The following ITPRID1 variants were observed in gnomAD, a reference collection of about 807,000 sequenced individuals.
ITPRID1 encodes the protein protein ITPRID1.
A neutral mutation model predicts 95.4 loss-of-function variants in ITPRID1; 96 were observed. That is an observed-to-expected ratio of 1.01 (90% CI 0.85 to 1.19). The LOEUF (loss-of-function observed/expected upper bound fraction) is 1.19, where lower values mean the gene tolerates loss of function less well. Ranked by LOEUF, ITPRID1 falls within the 50% of genes most tolerant of loss-of-function variation. The pLI is 0.00. For synonymous variants in ITPRID1, 510 were observed against 453.6 expected (o/e 1.12, Z -1.58); for missense variants, 1,339 against 1,252.9 (o/e 1.07, Z -1.04).
chr7:31,554,345 T>A, intron 3 of ITPRID1, 130 bp from the exon 4 acceptor site: 1 of 1,369,800 alleles, frequency 7.3e-7, no homozygotes, highest in South Asian at 2.1e-5. Flanking sequence ...AAAAAATGAA[T>A]ATGCTTATGG....
rs928446046 is a variant in ITPRID1, at chr7:31,612,846, T to C, written c.1229-29330T>C. On this transcript the variant is annotated intron_variant, in intron 10 of 14. Transcript: ENST00000615280. ...CTGCACATGTGCATAGCCAGCCTTT[T>C]GTAGATCCACACGAATATGTCAGAG... Among the ~76,000 whole-genome samples the C allele has an allele frequency of 2.6e-5, 4 of 152,162 alleles. No individual in the cohort carries two copies. The East Asian group carries it at 5.8e-4, about 22-fold the overall frequency.
At chr7:31,602,234 T>C (rs1233466921) in intron 10 of ITPRID1, among the ~76,000 whole-genome samples, 2 of 152,168 alleles carry the variant, frequency 1.3e-5, no homozygotes, top group African/African-American at 4.8e-5. Context: ...GGATAATCCT[T>C]ATTTAATTAA....
At chr7:31,533,409 T>C (rs1416874414) in intron 1 of ITPRID1, among the ~76,000 whole-genome samples, 2 of 152,202 alleles carry the variant, frequency 1.3e-5, no homozygotes, top group African/African-American at 2.4e-5. Flanking sequence ...TGTTTGAAAC[T>C]TTTAAAGAAA....
chr7:31,625,025 C>T (rs1469071739), intron 10 of ITPRID1, among the ~76,000 whole-genome samples: 5 of 152,188 alleles, frequency 3.3e-5, no homozygotes, highest in African/African-American at 4.8e-5. Context: ...TGAAAAAATG[C>T]TCATCATCAC....
At chr7:31,592,673 A>G (rs1231908222) in intron 10 of ITPRID1, among the ~76,000 whole-genome samples, 2 of 152,186 alleles carry the variant, frequency 1.3e-5, no homozygotes, top group Admixed American at 1.3e-4. Flanking sequence ...ATCTAATGCA[A>G]CCACTGATCT....
intron 10 of ITPRID1, among the ~76,000 whole-genome samples, chr7:31,599,534 G>C (rs1373857444): frequency 6.6e-6 from 1 of 152,100 alleles, no homozygotes; most frequent in Non-Finnish European, 1.5e-5. Context: ...AAAATGTTAA[G>C]TTTTAATAGA....
At chr7:31,630,688 T>C (rs1045365653) in intron 10 of ITPRID1, among the ~76,000 whole-genome samples, 4 of 152,108 alleles carry the variant, frequency 2.6e-5, no homozygotes, top group Admixed American at 6.5e-5. Flanking sequence ...ATATATAGCT[T>C]ATGAAAATAG....
chr7:31,628,059 G>C (rs1788638320), intron 10 of ITPRID1, among the ~76,000 whole-genome samples: 1 of 152,202 alleles, frequency 6.6e-6, no homozygotes, highest in African/African-American at 2.4e-5. Context: ...GCCTAAAAAA[G>C]CAGAGGGAGC....
intron 5 of ITPRID1, among the ~76,000 whole-genome samples, chr7:31,565,464 G>A (rs906165807): frequency 1.3e-5 from 2 of 152,136 alleles, no homozygotes; most frequent in Non-Finnish European, 2.9e-5. Context: ...GGCCAGCTGT[G>A]GTGGATCACA....
rs751084099 is a variant in ITPRID1 at position 31,578,403 on chromosome 7, G to A, written c.1139G>A (p.Gly380Asp). Residue 380 changes from glycine to aspartate, a missense_variant, in exon 9 of 15, where the codon GGC becomes GAC. Coordinates refer to ENST00000615280, the MANE Select transcript of ITPRID1 (RefSeq NM_001257967.3). Reference sequence around the variant, plus strand: ...CTCAAGAGCTTGTCTCATCTTGCAGGCAAAGGACCAGACTCATTTGAAATG... The same window carrying A: ...CTCAAGAGCTTGTCTCATCTTGCAGACAAAGGACCAGACTCATTTGAAATG... ...NKLKSLSHLA[G>D]KGPDSFEMEE... 5 of 1,611,328 alleles carry A rather than the reference G, an allele frequency of 3.1e-6. No individual in the cohort carries two copies. The highest frequency in any genetic ancestry group is 3.4e-6 in the Non-Finnish European group (4 of 1,178,544).
chr7:31,568,888 A>G (rs1784889299), intron 5 of ITPRID1, among the ~76,000 whole-genome samples: 1 of 152,228 alleles, frequency 6.6e-6, no homozygotes, highest in South Asian at 2.1e-4. Flanking sequence ...ACAAGCTAAA[A>G]TAAGTTGCAG....
chr7:31,622,920 G>A (rs1319831869), intron 10 of ITPRID1, among the ~76,000 whole-genome samples: 1 of 151,928 alleles, frequency 6.6e-6, no homozygotes, highest in Admixed American at 6.6e-5. Flanking sequence ...ATGATAAAGG[G>A]GATATCACCA....
rs73099753 is a variant in ITPRID1 at position 31,633,483 on chromosome 7, A to G, written c.1229-8693A>G. ...CATCCTGTCTTCCAACCTGGGGAAC[A>G]TAGAGAGGTTTTGTTTGTTCTACAA... is the stretch of plus-strand genomic sequence containing the variant. On this transcript the variant is annotated intron_variant, in intron 10 of 14. Transcript: ENST00000615280. Among the ~76,000 whole-genome samples, 731 of 152,334 alleles carry G rather than the reference A, an allele frequency of 4.8e-3. 1 individual carries two copies. The highest frequency in any genetic ancestry group is 0.01 in the Middle Eastern group (3 of 294).
rs76750213 is a variant in ITPRID1 at position 31,523,332 on chromosome 7, T to G, written c.-98+9212T>G. ...GATACTAGGAAGAAATGGATATAAA[T>G]GCTTCTTTGACTCTTAACTAGTTGA... is the stretch of plus-strand genomic sequence containing the variant. On this transcript the variant is annotated intron_variant, in intron 1 of 14. Coordinates refer to ENST00000615280, the MANE Select transcript of ITPRID1 (RefSeq NM_001257967.3). Among the ~76,000 whole-genome samples the G allele has an allele frequency of 8.6e-3, 1,303 of 152,312 alleles. 18 individuals carry two copies. The highest frequency in any genetic ancestry group is 0.03 in the African/African-American group (1,252 of 41,564).
chr7:31,643,696 C>T lies in ITPRID1; in HGVS notation c.2326C>T (p.Pro776Ser). The T allele has an allele frequency of 6.2e-7, 1 of 1,614,044 alleles. No individual in the cohort carries two copies. Among genetic ancestry groups the T allele is most frequent in the Non-Finnish European group, 8.5e-7 (1 of 1,179,906 alleles). ...AAGCAACAAGACCTTGACACATGGG[C>T]CCCAGCCCCTCACCAAATCCGTCTC... ...ALSNKTLTHG[P>S]QPLTKSVSLD... The change falls in exon 12 of 15, where the codon CCC becomes TCC. Residue 776 changes from proline (P) to serine (S), a missense_variant. By Grantham distance (74) the Pro-to-Ser change is moderately conservative. Coordinates refer to ENST00000615280, the MANE Select transcript of ITPRID1 (RefSeq NM_001257967.3).
intron 10 of ITPRID1, among the ~76,000 whole-genome samples, chr7:31,620,816 A>C (rs571059499): frequency 2.4e-4 from 36 of 152,270 alleles, no homozygotes; most frequent in South Asian, 1.7e-3. Flanking sequence ...TACAAGCTAC[A>C]GGAGGAAATT....
rs530349399 is a variant in ITPRID1 at position 31,549,497 on chromosome 7, G to A, written c.-26G>A. The A allele has an allele frequency of 4.5e-5, 68 of 1,524,094 alleles. No homozygotes were observed. The African/African-American group carries it at 6.6e-4, about 15-fold the overall frequency. The allele number at this position is 1,524,094 out of a possible 1,614,324, so 94.4% of individuals were successfully genotyped here. A position where few individuals can be genotyped will look rare whatever the true frequency, so the allele number is the denominator to read the frequency against. On this transcript the variant is annotated splice_region_variant and 5_prime_UTR_variant, in exon 2 of 15. It adds an upstream start codon to the 5' untranslated region. Coordinates refer to ENST00000615280, the MANE Select transcript of ITPRID1 (RefSeq NM_001257967.3). ...AAAGAAAGAAAACTGACCAATATGA[G>A]TGGTGATTGTTTTGGATATATTTTT...
rs1340957428 is a variant in ITPRID1, at chr7:31,642,973, A to G, written c.1603A>G (p.Arg535Gly). ...AKTTTRGECP[R>G]KDSHLWQLLP... is the part of the protein sequence containing the mutation. ...GACCACCACGAGGGGAGAATGCCCA[A>G]GGAAAGACAGCCATCTGTGGCAGCT... The change falls in exon 12 of 15, where the codon AGG becomes GGG. Residue 535 changes from arginine to glycine, a missense_variant. Physicochemically the swap from Arg to Gly is moderately radical, Grantham distance 125. Coordinates refer to ENST00000615280, the MANE Select transcript of ITPRID1 (RefSeq NM_001257967.3). 3.7e-6 allele frequency: 6 copies of G among 1,613,950 alleles called. No individual in the cohort carries two copies. Among genetic ancestry groups the G allele is most frequent in the East Asian group, 2.2e-5 (1 of 44,892 alleles).
intron 10 of ITPRID1, among the ~76,000 whole-genome samples, chr7:31,584,255 C>T (rs1439749461): frequency 6.6e-6 from 1 of 152,158 alleles, no homozygotes; most frequent in African/African-American, 2.4e-5. Flanking sequence ...ACATCTTTTT[C>T]ATTACAAAGT....
Sources: gnomAD v4.1 joint callset for allele counts (sites outside exome capture counted in the v4.1 genomes callset) on GRCh38, gnomAD v4.1.1 for gene constraint, MANE v1.5 for transcripts, NCBI Gene and HGNC (gene_info 2026-07-23, HGNC 2026-07-21) for gene names.